LARP1B: variants seen among roughly 807,000 people sequenced by gnomAD.
The protein encoded by LARP1B is La ribonucleoprotein 1B, also known as la-related protein 1B.
In LARP1B, 76 loss-of-function variants were observed where a neutral mutation model predicts 114.2. The observed-to-expected ratio is 0.67, with a 90% CI of 0.55 to 0.81. LARP1B has a LOEUF of 0.81. LARP1B is among the 30% of genes least tolerant of loss of function. The probability of loss-of-function intolerance (pLI) is 0.00; values close to 1 mark genes in which losing one functional copy is unlikely to be tolerated. For missense variants in LARP1B, 1,014 were observed against 1,075.8 expected (o/e 0.94, Z 0.80); for synonymous variants, 345 against 348.0 (o/e 0.99, Z 0.10).
chr4:128,210,129 T>C lies in LARP1B; in HGVS notation c.*76T>C. ...AATAGACTCTTATGAAAGTTCTTTG[T>C]CCTTGAAGTCAACATTTACATCAGT... On this transcript the variant is annotated 3_prime_UTR_variant, in exon 20 of 20. Coordinates refer to ENST00000326639, the MANE Select transcript of LARP1B (RefSeq NM_018078.4). 1.3e-6 allele frequency: 2 copies of C among 1,597,624 alleles called. No homozygotes were observed. The highest frequency in any genetic ancestry group is 1.7e-6 in the Non-Finnish European group (2 of 1,169,852).
intron 1 of LARP1B, 160 bp downstream of exon 1, chr4:128,061,561 G>A: frequency 1.9e-6 from 1 of 517,378 alleles, no homozygotes; most frequent in Non-Finnish European, 2.5e-6. Flanking sequence ...CGGCGGCAGC[G>A]GCGGCCACGG....
chr4:128,086,039 A>C (rs1420857431), intron 5 of LARP1B, among the ~76,000 whole-genome samples: 1 of 107,838 alleles, frequency 9.3e-6, no homozygotes, highest in African/African-American at 3.7e-5. Context: ...TTTGAGACTG[A>C]GTCTCGCTCT....
At chr4:128,196,248 C>CAAAAA (rs35423896) in intron 15 of LARP1B, among the ~76,000 whole-genome samples, 10 of 88,578 alleles carry the variant, frequency 1.1e-4, no homozygotes, top group South Asian at 3.9e-4. Flanking sequence ...GAGAGTCTGT[C>CAAAAA]AAAAAAAAAA....
chr4:128,087,285 C>A (rs1462014053), intron 5 of LARP1B, among the ~76,000 whole-genome samples: 1 of 152,164 alleles, frequency 6.6e-6, no homozygotes, highest in Non-Finnish European at 1.5e-5. Context: ...TATGTGGAAA[C>A]AATAGGATGA....
intron 11 of LARP1B, among the ~76,000 whole-genome samples, chr4:128,128,227 C>T (rs1057174662): frequency 2.6e-5 from 4 of 152,108 alleles, no homozygotes; most frequent in African/African-American, 9.7e-5. Flanking sequence ...GGTGGTTTTT[C>T]ATATGACACT....
chr4:128,091,215 G>A, intron 6 of LARP1B, 71 bp downstream of exon 6: 1 of 1,559,030 alleles, frequency 6.4e-7, no homozygotes. Context: ...CCTCTATTAT[G>A]TTTTAACTAA....
chr4:128,072,629 T>C (rs1222623908), intron 1 of LARP1B, among the ~76,000 whole-genome samples: 2 of 152,092 alleles, frequency 1.3e-5, no homozygotes, highest in Non-Finnish European at 2.9e-5. Flanking sequence ...CAGTCTCGGC[T>C]CACTGCAACT....
intron 1 of LARP1B, among the ~76,000 whole-genome samples, chr4:128,063,433 A>C (rs1326322235): frequency 1.5e-5 from 2 of 136,784 alleles, no homozygotes; most frequent in Non-Finnish European, 3.0e-5. Flanking sequence ...CTCTCAAAAA[A>C]AAAAAAAAAA....
At chr4:128,098,769 T>TATA (rs1561201033) in intron 8 of LARP1B, among the ~76,000 whole-genome samples, 6 of 14,426 alleles carry the variant, frequency 4.2e-4, no homozygotes, top group African/African-American at 1.3e-3. Context: ...ATATATATAT[T>TATA]TTTTTTTTTT....
intron 7 of LARP1B, among the ~76,000 whole-genome samples, chr4:128,222,167 T>C (rs551691665): frequency 1.3e-5 from 2 of 152,338 alleles, no homozygotes; most frequent in East Asian, 3.9e-4. Context: ...GCCCTTGTGG[T>C]GGTTCACTGA....
intron 1 of LARP1B, chr4:128,069,403 G>A: frequency 1.3e-6 from 1 of 762,410 alleles, no homozygotes; most frequent in South Asian, 1.3e-5. Flanking sequence ...GCACCCTTAG[G>A]AACTGGGTGC....
At position 128,090,985 on chromosome 4, in the gene LARP1B, T is replaced by A; in HGVS notation, c.359-16T>A. The A allele has an allele frequency of 1.3e-6, 2 of 1,545,272 alleles. No homozygotes were observed. The highest frequency in any genetic ancestry group is 1.8e-6 in the Non-Finnish European group (2 of 1,130,762). ...TGGCAAATCGAAGTATATAAAAATA[T>A]TTTTATTTTTAAAAGGTTGGAAGCG... On this transcript the variant is annotated splice_polypyrimidine_tract_variant and intron_variant, in intron 5 of 19. Transcript: ENST00000326639.
intron 5 of LARP1B, among the ~76,000 whole-genome samples, chr4:128,083,643 C>G (rs1483821134): frequency 7.4e-6 from 1 of 135,662 alleles, no homozygotes; most frequent in African/African-American, 2.7e-5. Context: ...ACCTCCCTCC[C>G]GGACGGGGCG....
intron 15 of LARP1B, among the ~76,000 whole-genome samples, chr4:128,189,324 CTTTTTTTTT>C (rs70966089): frequency 8.8e-4 from 6 of 6,824 alleles, no homozygotes; most frequent in African/African-American, 1.7e-3. Flanking sequence ...AGTATGGCTA[CTTTTTTTTT>C]TTTTTTTTTT....
At chr4:128,220,066 A>C (rs1032405596) in intron 6 of LARP1B, among the ~76,000 whole-genome samples, 5 of 151,898 alleles carry the variant, frequency 3.3e-5, no homozygotes, top group African/African-American at 9.7e-5. Context: ...TTTATTTTTA[A>C]TAGAGACAGG....
intron 1 of LARP1B, among the ~76,000 whole-genome samples, chr4:128,071,679 C>T (rs1765430109): frequency 6.6e-6 from 1 of 152,136 alleles, no homozygotes; most frequent in South Asian, 2.1e-4. Flanking sequence ...GCCTCAGCCT[C>T]CCAAAGTGCT....
intron 15 of LARP1B, among the ~76,000 whole-genome samples, chr4:128,184,565 A>AT (rs1321018201): frequency 6.6e-6 from 1 of 151,804 alleles, no homozygotes; most frequent in Non-Finnish European, 1.5e-5. Flanking sequence ...ATTCTGTTCC[A>AT]TTTTTTTCCT....
At chr4:128,062,666 C>T (rs1579572360) in intron 1 of LARP1B, among the ~76,000 whole-genome samples, 1 of 135,358 alleles carries the variant, frequency 7.4e-6, no homozygotes. Flanking sequence ...AGTGGAAGCG[C>T]GATTGTAGTC....
At chr4:128,188,359 G>A (rs1751045275) in intron 15 of LARP1B, among the ~76,000 whole-genome samples, 1 of 152,184 alleles carries the variant, frequency 6.6e-6, no homozygotes, top group Non-Finnish European at 1.5e-5. Context: ...ACAGGCATGA[G>A]CCACTGCGCC....
Sources: allele counts gnomAD v4.1 joint callset (sites outside exome capture counted in the v4.1 genomes callset), GRCh38; gene constraint gnomAD v4.1.1; transcripts MANE v1.5; gene names NCBI Gene and HGNC (gene_info 2026-07-23, HGNC 2026-07-21).